Variants in FAM193A observed in about 807,000 individuals in gnomAD.
FAM193A encodes family with sequence similarity 193 member A.
In FAM193A, 22 loss-of-function variants were observed where a neutral mutation model predicts 126.5. The observed-to-expected ratio is 0.17, with a 90% confidence interval of 0.12 to 0.25. The LOEUF (loss-of-function observed/expected upper bound fraction) is 0.25, where lower values mean the gene tolerates loss of function less well. Ranked by LOEUF, FAM193A falls within the 10% of genes least tolerant of loss-of-function variation. FAM193A has a pLI of 1.00. For missense variants in FAM193A, 1,675 were observed against 1,672.8 expected (o/e 1.00, Z -0.02); for synonymous variants, 761 against 646.8 (o/e 1.18, Z -2.68).
intron 1 of FAM193A, among the ~76,000 whole-genome samples, chr4:2,566,072 G>A (rs1386991759): frequency 6.9e-6 from 1 of 143,896 alleles, no homozygotes; most frequent in African/African-American, 2.9e-5. Context: ...TTTTGAGACG[G>A]AGTCTCGCTC....
In FAM193A at chr4:2,647,409, G is replaced by A. The variant is rs183051114; in HGVS notation, c.1311+577G>A. ...GGTTTCCCTGCCTCAGCCTCCCAAA[G>A]TGTTGGGATTACAGGAGTGAGCCAC... On this transcript the variant is annotated intron_variant, in intron 7 of 20. Transcript: ENST00000637812. Among the ~76,000 whole-genome samples the A allele has an allele frequency of 1.4e-3, 207 of 152,264 alleles. 1 individual carries two copies. Among genetic ancestry groups the A allele is most frequent in the African/African-American group, 4.8e-3 (201 of 41,568 alleles).
chr4:2,570,773 C>T (rs1001839344), intron 1 of FAM193A, among the ~76,000 whole-genome samples: 5 of 152,144 alleles, frequency 3.3e-5, no homozygotes, highest in African/African-American at 1.2e-4. Context: ...GGCTAGTTTT[C>T]AGGCCCCACT....
chr4:2,681,079 G>A (rs1381791018), intron 13 of FAM193A, among the ~76,000 whole-genome samples: 4 of 151,800 alleles, frequency 2.6e-5, no homozygotes, highest in Non-Finnish European at 2.9e-5. Context: ...AGCCTCGAAC[G>A]CTTGAGCTCA....
chr4:2,561,663 A>AT (rs1387600658), intron 1 of FAM193A, among the ~76,000 whole-genome samples: 1 of 147,402 alleles, frequency 6.8e-6, no homozygotes, highest in African/African-American at 2.5e-5. Flanking sequence ...TACCTGGCTA[A>AT]TTTTTGTATG....
At chr4:2,632,084 A>C (rs1743647158) in intron 5 of FAM193A, among the ~76,000 whole-genome samples, 1 of 152,098 alleles carries the variant, frequency 6.6e-6, no homozygotes. Context: ...ATCTGGTGAG[A>C]GCTTTCTTGC....
intron 13 of FAM193A, among the ~76,000 whole-genome samples, chr4:2,681,992 T>G (rs538012055): frequency 1.4e-5 from 2 of 146,854 alleles, no homozygotes; most frequent in Admixed American, 1.3e-4. Context: ...TTTTGGTTTT[T>G]TTTTTTTTTT....
intron 16 of FAM193A, among the ~76,000 whole-genome samples, chr4:2,694,424 A>G (rs1321267423): frequency 1.1e-4 from 17 of 151,912 alleles, no homozygotes; most frequent in Non-Finnish European, 1.5e-5. Flanking sequence ...ATACGCCACC[A>G]TGCCTGGCTA....
intron 1 of FAM193A, among the ~76,000 whole-genome samples, chr4:2,555,595 A>G (rs777927208): frequency 1.8e-4 from 28 of 152,180 alleles, no homozygotes; most frequent in African/African-American, 4.8e-4. Flanking sequence ...CCTGGGCAAC[A>G]TAGTGAAACA....
chr4:2,726,778 C>CAAAAA (rs71589604), intron 20 of FAM193A, among the ~76,000 whole-genome samples: 1 of 44,940 alleles, frequency 2.2e-5, no homozygotes, highest in African/African-American at 8.6e-5. Flanking sequence ...CTAAAAATAC[C>CAAAAA]AAAAAAAAAA....
At chr4:2,665,288 T>G (rs1712985490) in intron 12 of FAM193A, among the ~76,000 whole-genome samples, 4 of 152,344 alleles carry the variant, frequency 2.6e-5, no homozygotes, top group Admixed American at 2.6e-4. Context: ...TACAATTGAT[T>G]TTTTTATATT....
At chr4:2,682,990 A>G (rs748508172) in intron 13 of FAM193A, among the ~76,000 whole-genome samples, 3 of 152,190 alleles carry the variant, frequency 2.0e-5, no homozygotes, top group Non-Finnish European at 2.9e-5. Flanking sequence ...ATCTGAAGGA[A>G]ATCTTTTGAC....
chr4:2,581,143 A>ACAAC (rs760833921), intron 1 of FAM193A, among the ~76,000 whole-genome samples: 6 of 149,454 alleles, frequency 4.0e-5, no homozygotes, highest in African/African-American at 1.5e-4. Flanking sequence ...AACAACAACA[A>ACAAC]AAAAAAAACC....
At chr4:2,631,752 G>GA (rs1233403826) in intron 5 of FAM193A, among the ~76,000 whole-genome samples, 1 of 152,154 alleles carries the variant, frequency 6.6e-6, no homozygotes, top group African/African-American at 2.4e-5. Flanking sequence ...GAGACACACA[G>GA]ATGGGTCCGG....
intron 12 of FAM193A, among the ~76,000 whole-genome samples, chr4:2,665,209 TGTTTTCATTCACA>T (rs1343312079): frequency 1.3e-5 from 2 of 152,234 alleles, no homozygotes; most frequent in African/African-American, 4.8e-5. Flanking sequence ...AAGTATTATG[TGTTTTCATTCACA>T]GTAAAAGGTA....
chr4:2,618,177 C>T (rs1013829273), intron 2 of FAM193A, among the ~76,000 whole-genome samples: 3 of 152,134 alleles, frequency 2.0e-5, no homozygotes, highest in Non-Finnish European at 4.4e-5. Flanking sequence ...CACTTTGTCA[C>T]TGGTTTTCAG....
chr4:2,620,696 A>G (rs965630129), intron 2 of FAM193A, among the ~76,000 whole-genome samples: 2 of 142,822 alleles, frequency 1.4e-5, no homozygotes, highest in Admixed American at 1.4e-4. Flanking sequence ...TAAAAATACA[A>G]AAATTAGCCA....
intron 2 of FAM193A, among the ~76,000 whole-genome samples, chr4:2,601,340 C>G (rs1304404743): frequency 6.9e-6 from 1 of 145,192 alleles, no homozygotes; most frequent in Non-Finnish European, 1.5e-5. Context: ...TCAAGCGATT[C>G]TGGTGACTCA....
chr4:2,624,361 C>T (rs1742756051), intron 2 of FAM193A, among the ~76,000 whole-genome samples: 1 of 152,188 alleles, frequency 6.6e-6, no homozygotes, highest in African/African-American at 2.4e-5. Flanking sequence ...TCAGGCTGGT[C>T]TTGAACTCCT....
intron 5 of FAM193A, among the ~76,000 whole-genome samples, chr4:2,631,607 G>A (rs1200951114): frequency 2.6e-5 from 4 of 152,182 alleles, no homozygotes; most frequent in South Asian, 2.1e-4. Flanking sequence ...CTTGTTTACC[G>A]CCCAGTGGCG....
Sources: gnomAD v4.1 joint callset for allele counts (sites outside exome capture counted in the v4.1 genomes callset) on GRCh38, gnomAD v4.1.1 for gene constraint, MANE v1.5 for transcripts, NCBI Gene and HGNC (gene_info 2026-07-23, HGNC 2026-07-21) for gene names.